The following ZNF430 variants were observed in gnomAD, a reference collection of about 807,000 sequenced individuals.
The protein encoded by ZNF430 is zinc finger protein 430.
In ZNF430, 35 loss-of-function variants were observed where a neutral mutation model predicts 56.7. The observed-to-expected ratio is 0.62, with a 90% CI of 0.47 to 0.82. The LOEUF (loss-of-function observed/expected upper bound fraction) is 0.82. Among genes scored for constraint, ZNF430 ranks in the 40% least tolerant of loss-of-function variants. The pLI is 0.00. For missense variants in ZNF430, 574 were observed against 661.0 expected (o/e 0.87, Z 1.44); for synonymous variants, 212 against 224.3 (o/e 0.94, Z 0.49).
intron 4 of ZNF430, among the ~76,000 whole-genome samples, chr19:21,042,289 A>C (rs962511201): frequency 1.3e-5 from 2 of 152,158 alleles, no homozygotes; most frequent in Non-Finnish European, 2.9e-5. Context: ...ACATATCTTT[A>C]TAACAGAATT....
At position 21,056,680 on chromosome 19, in the gene ZNF430, A is replaced by G. The variant is rs772095140; in HGVS notation, c.372A>G (p.Lys124=). The change falls in exon 5 of 5, where the codon AAA becomes AAG. Residue 124 remains lysine (K), a synonymous_variant. Transcript: ENST00000261560. ...AQDLWPEQGI[K]DSFQEVILRR... ...ACCTTTGGCCAGAGCAGGGCATAAA[A>G]GATTCTTTCCAAGAAGTCATATTGA... 1 of 1,590,628 alleles carries G rather than the reference A, an allele frequency of 6.3e-7. No individual in the cohort carries two copies. The highest frequency in any genetic ancestry group is 8.6e-7 in the Non-Finnish European group (1 of 1,168,520).
intron 2 of ZNF430, among the ~76,000 whole-genome samples, chr19:21,026,482 C>T (rs781724840): frequency 2.6e-4 from 40 of 152,032 alleles, no homozygotes; most frequent in Non-Finnish European, 5.1e-4. Context: ...CCACCGTGCC[C>T]GGCCAATCTC....
chr19:21,026,469 G>A (rs903355581), intron 2 of ZNF430, among the ~76,000 whole-genome samples: 1 of 152,156 alleles, frequency 6.6e-6, no homozygotes, highest in African/African-American at 2.4e-5. Context: ...TTACAGGCGT[G>A]AGCCACCGTG....
At chr19:21,029,238 A>T (rs1445228946) in intron 2 of ZNF430, among the ~76,000 whole-genome samples, 1 of 152,180 alleles carries the variant, frequency 6.6e-6, no homozygotes, top group East Asian at 1.9e-4. Flanking sequence ...GGTACAATGA[A>T]TAGATGTGTC....
chr19:21,047,543 T>C (rs1251271683), intron 4 of ZNF430, among the ~76,000 whole-genome samples: 2 of 152,160 alleles, frequency 1.3e-5, no homozygotes, highest in African/African-American at 2.4e-5. Context: ...TTCATGCTGT[T>C]TTTGTTGTTG....
chr19:21,034,827 C>T lies in ZNF430; in HGVS notation c.322+643C>T, dbSNP rs141922195. ...GTACTAGGATTACAGGTGTGAGCCA[C>T]TGCACCTGGCCAAACTATTTTCTTA... On this transcript the variant is annotated intron_variant, in intron 4 of 4. Coordinates refer to ENST00000261560, the MANE Select transcript of ZNF430 (RefSeq NM_025189.4). 790 of 152,332 alleles carry T rather than the reference C, an allele frequency of 5.2e-3. 9 individuals are homozygous for T. The highest frequency in any genetic ancestry group is 0.018 in the African/African-American group (768 of 41,542). 9.4% of individuals were successfully genotyped at this position (152,332 alleles called of 1,614,324 possible).
At chr19:21,043,729 T>C (rs920925311) in intron 4 of ZNF430, among the ~76,000 whole-genome samples, 2 of 152,132 alleles carry the variant, frequency 1.3e-5, no homozygotes, top group African/African-American at 2.4e-5. Flanking sequence ...ATATTGATTA[T>C]TTCTATCTTT....
chr19:21,022,726 G>T, intron 1 of ZNF430, 63 bp from the exon 2 acceptor site: 2 of 1,195,620 alleles, frequency 1.7e-6, no homozygotes, highest in Non-Finnish European at 2.5e-6. Flanking sequence ...CAAGATATCC[G>T]CCATGGTTAT....
chr19:21,035,020 T>G (rs1384256666), intron 4 of ZNF430: 1 of 152,224 alleles, frequency 6.6e-6, no homozygotes, highest in Non-Finnish European at 1.5e-5. Context: ...TTTGTTCTTT[T>G]TCCTCACGAT....
At chr19:21,033,785 T>TCTTTTCCTTGCTCTA in intron 3 of ZNF430, 1 of 616,032 alleles carries the variant, frequency 1.6e-6, no homozygotes. Flanking sequence ...ATTCCTGGGC[T>TCTTTTCCTTGCTCTA]GATCTGTATC....
intron 2 of ZNF430, among the ~76,000 whole-genome samples, chr19:21,032,048 A>T (rs1158084529): frequency 1.3e-5 from 2 of 152,076 alleles, no homozygotes; most frequent in Admixed American, 6.6e-5. Context: ...GCTGTTAAAC[A>T]TGGGGAGATG....
chr19:21,046,944 A>G (rs1331621365), intron 4 of ZNF430, among the ~76,000 whole-genome samples: 1 of 152,054 alleles, frequency 6.6e-6, no homozygotes, highest in Admixed American at 6.5e-5. Context: ...ACTTGGTTCC[A>G]TTCTCCCTAT....
intron 2 of ZNF430, chr19:21,025,969 C>A: frequency 4.8e-6 from 2 of 417,408 alleles, no homozygotes; most frequent in South Asian, 4.1e-5. Flanking sequence ...TAAACCTGGT[C>A]ATCACACTTT....
chr19:21,048,990 G>GT, intron 4 of ZNF430, among the ~76,000 whole-genome samples: 1 of 152,098 alleles, frequency 6.6e-6, no homozygotes, highest in Non-Finnish European at 1.5e-5. Context: ...GAGGTCAGGA[G>GT]TTTGAGACCA....
rs1968403133 is a variant in ZNF430 at position 21,057,591 on chromosome 19, C to T, written c.1283C>T (p.Pro428Leu). 1.9e-6 allele frequency: 3 copies of T among 1,613,124 alleles called. No individual in the cohort carries two copies. The highest frequency in any genetic ancestry group is 1.7e-5 in the Admixed American group (1 of 59,978). ...KHKRIHTGEK[P>L]YKCEQCGKAF... ...AAAAGAATTCATACTGGAGAGAAAC[C>T]CTACAAATGTGAACAATGTGGCAAA... Residue 428 changes from proline to leucine, a missense_variant, in exon 5 of 5, where the codon CCC (proline) becomes CTC (leucine). By Grantham distance (98) the Pro-to-Leu change is moderately conservative (BLOSUM62 -3). This residue lies in a region of ZNF430 where 213 missense variants were observed against 221.0 expected (regional missense o/e 0.96). Coordinates refer to ENST00000261560, the MANE Select transcript of ZNF430 (RefSeq NM_025189.4).
intron 2 of ZNF430, among the ~76,000 whole-genome samples, chr19:21,031,114 C>T (rs1967894290): frequency 6.6e-6 from 1 of 152,144 alleles, no homozygotes; most frequent in Admixed American, 6.6e-5. Context: ...GAACTCCTGA[C>T]CTCAGGTCAT....
intron 4 of ZNF430, chr19:21,034,476 A>T: frequency 3.6e-6 from 1 of 279,278 alleles, no homozygotes; most frequent in Non-Finnish European, 6.6e-6. Context: ...TTTGGGGGAC[A>T]CACAAATATC....
intron 2 of ZNF430, chr19:21,026,149 A>T (rs577203957): frequency 3.7e-4 from 65 of 176,110 alleles, no homozygotes; most frequent in Non-Finnish European, 6.3e-4. Context: ...AAGTGCTGGG[A>T]TTACAGGCAT....
chr19:21,042,800 A>AT (rs1352200448), intron 4 of ZNF430, among the ~76,000 whole-genome samples: 1 of 151,780 alleles, frequency 6.6e-6, no homozygotes, highest in African/African-American at 2.4e-5. Context: ...AAAAAAAAAA[A>AT]TTTAGAAAAA....
Sources: allele counts gnomAD v4.1 joint callset (sites outside exome capture counted in the v4.1 genomes callset), GRCh38; gene constraint gnomAD v4.1.1; regional missense constraint gnomAD v4.1.1; transcripts MANE v1.5; gene names NCBI Gene and HGNC (gene_info 2026-07-23, HGNC 2026-07-21).